The following DCBLD1 variants were observed in gnomAD, a reference collection of about 807,000 sequenced individuals.
DCBLD1 encodes the protein discoidin, CUB and LCCL domain containing 1, also known as discoidin, CUB and LCCL domain-containing protein 1.
In DCBLD1, 57 loss-of-function variants were observed where a neutral mutation model predicts 71.5. The ratio of observed to expected loss-of-function variants is 0.80; its 90% CI spans 0.64 to 0.99. The LOEUF (loss-of-function observed/expected upper bound fraction) is 0.99, where lower values mean the gene tolerates loss of function less well. Ranked by LOEUF, DCBLD1 falls within the 50% of genes least tolerant of loss-of-function variation. DCBLD1 has a pLI of 0.00. For synonymous variants in DCBLD1, 380 were observed against 363.8 expected (o/e 1.04, Z -0.51); for missense variants, 891 against 923.5 (o/e 0.96, Z 0.46).
At chr6:117,516,771 G>C (rs1778214409) in intron 2 of DCBLD1, among the ~76,000 whole-genome samples, 1 of 152,188 alleles carries the variant, frequency 6.6e-6, no homozygotes, top group Non-Finnish European at 1.5e-5. Context: ...CTCACCTGGT[G>C]GCAGACAGGA....
intron 1 of DCBLD1, among the ~76,000 whole-genome samples, chr6:117,492,874 C>T (rs144737743): frequency 1.4e-4 from 22 of 152,266 alleles, no homozygotes; most frequent in Admixed American, 1.2e-3. Context: ...CATAAACCTA[C>T]GCTTGCACAA....
downstream of DCBLD1, among the ~76,000 whole-genome samples, chr6:117,550,250 C>CA (rs1554192689): frequency 2.0e-5 from 3 of 148,606 alleles, no homozygotes; most frequent in Non-Finnish European, 4.5e-5. Flanking sequence ...GAGAACAGGA[C>CA]TTTTTTTTTT....
chr6:117,561,206 C>A (rs1458624148), intron 14 of DCBLD1: 4 of 222,884 alleles, frequency 1.8e-5, no homozygotes, highest in African/African-American at 8.9e-5. Context: ...TATATCATGA[C>A]AATCTCACAC....
intron 1 of DCBLD1, among the ~76,000 whole-genome samples, chr6:117,486,580 C>T (rs1378556095): frequency 1.3e-5 from 2 of 152,226 alleles, no homozygotes; most frequent in Admixed American, 6.5e-5. Context: ...AAATGACAAG[C>T]ACTGTTCTAC....
chr6:117,494,629 A>G (rs1023725532), intron 1 of DCBLD1: 2 of 152,294 alleles, frequency 1.3e-5, no homozygotes, highest in South Asian at 2.1e-4. Context: ...AAATTAAGAA[A>G]CTTCTCTTAA....
rs1029027564 is a variant in DCBLD1, at chr6:117,538,671, C to T, written c.812C>T (p.Ser271Phe). The change falls in exon 8 of 15, where the codon TCC becomes TTC. Residue 271 changes from serine to phenylalanine, a missense_variant. Physicochemically the swap from Ser to Phe is radical, Grantham distance 155 (BLOSUM62 -2). Transcript: ENST00000338728. ...CCTGACGGGCAAATCAGAGCTTCTT[C>T]CTCATGGCAGTCGGTCAATGAGAGT... is the stretch of plus-strand genomic sequence containing the variant. ...FEPDGQIRAS[S>F]SWQSVNESGD... 1.9e-6 allele frequency: 3 copies of T among 1,614,010 alleles called. No homozygotes were observed. The African/African-American group carries it at 4.0e-5, about 22-fold the overall frequency.
chr6:117,544,765 C>T (rs9320608), intron 13 of DCBLD1, among the ~76,000 whole-genome samples, 188 bp downstream of exon 13: 89,590 of 151,440 alleles, frequency 0.59, 26,685 homozygotes, highest in South Asian at 0.73. Context: ...TTAATGGCCA[C>T]TTTACTTTTG....
Position 117,548,369 on chromosome 6 carries a change from G to A in DCBLD1, c.2078G>A (p.Ser693Asn), listed in dbSNP as rs1779350838. The A allele has an allele frequency of 1.3e-6, 2 of 1,550,594 alleles. No homozygotes were observed. Among genetic ancestry groups the A allele is most frequent in the Non-Finnish European group, 1.7e-6 (2 of 1,147,016 alleles). ...AAGCCCCCAACGCATCCCGGGACGA[G>A]TGACAGCTATTCTGCCCCCAGAGAC... ...SQKPPTHPGTSDSYSAPRDCL... is the reference protein window; with the variant it reads ...SQKPPTHPGTNDSYSAPRDCL... Residue 693 changes from serine (S) to asparagine (N), a missense_variant, in exon 15 of 15, where the codon AGT (serine) becomes AAT (asparagine). Ser to Asn is a conservative substitution (Grantham distance 46, BLOSUM62 1). Transcript: ENST00000338728.
At chr6:117,535,282 C>T (rs1418848114) in intron 6 of DCBLD1, among the ~76,000 whole-genome samples, 1 of 152,170 alleles carries the variant, frequency 6.6e-6, no homozygotes, top group Non-Finnish European at 1.5e-5. Flanking sequence ...GAGAGACTGA[C>T]CTCATACAGA....
At chr6:117,557,662 G>A (rs549010175) in intron 14 of DCBLD1, among the ~76,000 whole-genome samples, 3 of 152,276 alleles carry the variant, frequency 2.0e-5, no homozygotes, top group African/African-American at 7.2e-5. Flanking sequence ...TACTTGTGAG[G>A]CTGAGGCAGA....
At chr6:117,492,434 GC>G (rs5879423) in intron 1 of DCBLD1, among the ~76,000 whole-genome samples, 4,644 of 152,202 alleles carry the variant, frequency 0.031, 83 homozygotes, top group Non-Finnish European at 0.038. Flanking sequence ...ATGGTTTCCT[GC>G]CCTTTGTCTC....
At chr6:117,547,460 C>T (rs908586476) in intron 14 of DCBLD1, 6 of 444,952 alleles carry the variant, frequency 1.3e-5, no homozygotes, top group African/African-American at 1.0e-4. Context: ...TCACTGTCAC[C>T]ACTAGGCCCT....
chr6:117,492,974 T>C (rs1208278055), intron 1 of DCBLD1, among the ~76,000 whole-genome samples: 1 of 152,180 alleles, frequency 6.6e-6, no homozygotes, highest in Non-Finnish European at 1.5e-5. Context: ...AGAAATGCCA[T>C]TTTGGCTTAA....
downstream of DCBLD1, among the ~76,000 whole-genome samples, chr6:117,550,714 T>C (rs1779413757): frequency 6.6e-6 from 1 of 152,226 alleles, no homozygotes; most frequent in Non-Finnish European, 1.5e-5. Flanking sequence ...CAACTGTATA[T>C]ACCATGAATA....
chr6:117,560,060 A>G (rs1017330578), intron 14 of DCBLD1, among the ~76,000 whole-genome samples: 1 of 152,220 alleles, frequency 6.6e-6, no homozygotes, highest in African/African-American at 2.4e-5. Context: ...TCTAAATCAT[A>G]TATACTTAGA....
At chr6:117,516,655 G>A (rs918800516) in intron 2 of DCBLD1, among the ~76,000 whole-genome samples, 22 of 152,132 alleles carry the variant, frequency 1.4e-4, no homozygotes, top group Admixed American at 1.3e-3. Context: ...TCATGCTGCT[G>A]ATAAGGACAT....
chr6:117,498,056 T>G (rs1160896309), intron 1 of DCBLD1, among the ~76,000 whole-genome samples: 1 of 152,250 alleles, frequency 6.6e-6, no homozygotes, highest in Non-Finnish European at 1.5e-5. Context: ...CTTGGAGATA[T>G]CAGTTTGGCT....
At chr6:117,495,441 T>C (rs1777437131) in intron 1 of DCBLD1, among the ~76,000 whole-genome samples, 1 of 152,218 alleles carries the variant, frequency 6.6e-6, no homozygotes, top group Non-Finnish European at 1.5e-5. Flanking sequence ...TGCTTGATAC[T>C]TTGTTTTTAT....
intron 4 of DCBLD1, among the ~76,000 whole-genome samples, chr6:117,522,781 G>GT (rs1778428317): frequency 6.6e-6 from 1 of 152,186 alleles, no homozygotes; most frequent in African/African-American, 2.4e-5. Flanking sequence ...TTAGCACAGA[G>GT]TAAGTAGCTC....
Sources: gnomAD v4.1 joint callset for allele counts (sites outside exome capture counted in the v4.1 genomes callset) on GRCh38, gnomAD v4.1.1 for gene constraint, MANE v1.5 for transcripts, NCBI Gene and HGNC (gene_info 2026-07-23, HGNC 2026-07-21) for gene names.